BLVRA: variants seen among roughly 807,000 people sequenced by gnomAD.
The protein encoded by BLVRA is BVR A.
Under a neutral mutation model 32.8 loss-of-function variants are expected in BLVRA, and 22 were observed. The observed-to-expected ratio is 0.67, with a 90% CI of 0.48 to 0.96. The LOEUF is 0.96. BLVRA is among the 40% of genes least tolerant of loss of function. BLVRA has a pLI of 0.00. For synonymous variants in BLVRA, 119 were observed against 141.3 expected, an observed-to-expected ratio of 0.84 and a Z score of 1.12; for missense variants, 323 against 358.1, an observed-to-expected ratio of 0.90 and a Z score of 0.79.
intron 5 of BLVRA, among the ~76,000 whole-genome samples, chr7:43,797,829 T>C (rs985066911): frequency 6.6e-6 from 1 of 152,158 alleles, no homozygotes; most frequent in Non-Finnish European, 1.5e-5. Flanking sequence ...TTGTGTAAAA[T>C]GTCCCTAAAT....
rs766797938 is a variant in BLVRA at position 43,803,855 on chromosome 7, A to C, written c.632+8A>C. 5.6e-6 allele frequency: 9 copies of C among 1,613,646 alleles called. No individual in the cohort carries two copies. In the South Asian group the frequency reaches 9.9e-5, roughly 18 times the overall value. On this transcript the variant is annotated splice_region_variant and intron_variant, in intron 7 of 7. Transcript: ENST00000265523. ...GGAGACAGAGAAGAAAAGGTAAGTC[A>C]TGAGAAGCCATGAGGAGGAGGAAAT...
intron 2 of BLVRA, among the ~76,000 whole-genome samples, chr7:43,777,897 C>T (rs2095763305): frequency 6.6e-6 from 1 of 152,212 alleles, no homozygotes; most frequent in Non-Finnish European, 1.5e-5. Context: ...TTCATTTCAT[C>T]TTCCGTCACT....
At chr7:43,773,811 A>T (rs2095757344) in intron 2 of BLVRA, among the ~76,000 whole-genome samples, 1 of 152,128 alleles carries the variant, frequency 6.6e-6, no homozygotes, top group African/African-American at 2.4e-5. Flanking sequence ...TTGTTTCCTG[A>T]CTTTTTAATG....
At chr7:43,776,815 T>C (rs2095761567) in intron 2 of BLVRA, among the ~76,000 whole-genome samples, 1 of 152,172 alleles carries the variant, frequency 6.6e-6, no homozygotes, top group Admixed American at 6.5e-5. Flanking sequence ...GCTTTATGAA[T>C]CTGGGTGCTC....
At chr7:43,802,921 T>TC (rs397760985) in intron 6 of BLVRA, among the ~76,000 whole-genome samples, 1 of 151,830 alleles carries the variant, frequency 6.6e-6, no homozygotes, top group Non-Finnish European at 1.5e-5. Flanking sequence ...TATTTTTTTT[T>TC]ACTAGAGACG....
At chr7:43,785,602 T>C (rs1563544356) in intron 2 of BLVRA, among the ~76,000 whole-genome samples, 1 of 152,170 alleles carries the variant, frequency 6.6e-6, no homozygotes, top group Non-Finnish European at 1.5e-5. Flanking sequence ...AAGGCCAGTG[T>C]ATGGTTTAGC....
intron 2 of BLVRA, among the ~76,000 whole-genome samples, chr7:43,774,231 T>C (rs1383883327): frequency 6.6e-6 from 1 of 152,208 alleles, no homozygotes; most frequent in African/African-American, 2.4e-5. Flanking sequence ...ATGTCCTGAA[T>C]GGTATTGCCT....
intron 1 of BLVRA, among the ~76,000 whole-genome samples, chr7:43,761,629 G>A (rs2095742381): frequency 6.6e-6 from 1 of 152,148 alleles, no homozygotes; most frequent in Non-Finnish European, 1.5e-5. Context: ...AGCCTTTCCT[G>A]ATTCTCAGTT....
chr7:43,805,676 A>C (rs772002931), intron 7 of BLVRA, among the ~76,000 whole-genome samples: 2 of 152,156 alleles, frequency 1.3e-5, no homozygotes, highest in Non-Finnish European at 2.9e-5. Context: ...TCTTAAAATC[A>C]TAGTACTTTC....
At chr7:43,764,768 C>T (rs181580327) in intron 1 of BLVRA, among the ~76,000 whole-genome samples, 1 of 151,296 alleles carries the variant, frequency 6.6e-6, no homozygotes, top group Non-Finnish European at 1.5e-5. Context: ...GAGAACCCCC[C>T]ACCCCCCGCA....
At chr7:43,781,403 G>A (rs1000701431) in intron 2 of BLVRA, among the ~76,000 whole-genome samples, 2 of 152,116 alleles carry the variant, frequency 1.3e-5, no homozygotes, top group Non-Finnish European at 2.9e-5. Flanking sequence ...CTGGAGTGCA[G>A]TGGTGTGATC....
At chr7:43,803,934 C>A in intron 7 of BLVRA, 87 bp downstream of exon 7, 1 of 1,502,998 alleles carries the variant, frequency 6.7e-7, no homozygotes, top group Non-Finnish European at 9.1e-7. Flanking sequence ...CCCCGAGGGG[C>A]TAGACCCTCA....
At chr7:43,761,458 G>T (rs2095742179) in intron 1 of BLVRA, among the ~76,000 whole-genome samples, 1 of 152,142 alleles carries the variant, frequency 6.6e-6, no homozygotes, top group Non-Finnish European at 1.5e-5. Flanking sequence ...ATAGGTCATT[G>T]CAGGCCTATA....
chr7:43,793,339 AG>A (rs1347027826), intron 5 of BLVRA, among the ~76,000 whole-genome samples: 1 of 151,886 alleles, frequency 6.6e-6, no homozygotes, highest in African/African-American at 2.4e-5. Context: ...GATGCTGTAT[AG>A]AAAAATATGG....
intron 2 of BLVRA, among the ~76,000 whole-genome samples, chr7:43,780,648 C>T (rs866926397): frequency 6.6e-5 from 10 of 152,174 alleles, no homozygotes; most frequent in South Asian, 2.1e-4. Context: ...GGCACAGGGA[C>T]GGTCCACACA....
chr7:43,802,912 A>ATT (rs35792323), intron 6 of BLVRA, among the ~76,000 whole-genome samples: 48 of 150,930 alleles, frequency 3.2e-4, no homozygotes, highest in Middle Eastern at 3.4e-3. Context: ...TAATTTTTGT[A>ATT]TTTTTTTTTA....
intron 3 of BLVRA, among the ~76,000 whole-genome samples, chr7:43,790,261 G>C (rs1187044312): frequency 3.9e-5 from 6 of 152,102 alleles, no homozygotes; most frequent in African/African-American, 1.4e-4. Flanking sequence ...GAAGACTGCA[G>C]CTCCCCCATG....
rs146795036 is a variant in BLVRA at position 43,803,697 on chromosome 7, G to A, written c.482G>A (p.Arg161Gln). 188 of 1,613,596 alleles carry A rather than the reference G, an allele frequency of 1.2e-4. No homozygotes were observed. Among genetic ancestry groups the A allele is most frequent in the Non-Finnish European group, 1.5e-4 (177 of 1,179,790 alleles). ...LFTAGPLEEE[R>Q]FGFPAFSGIS... Reference sequence around the variant, plus strand: ...ACAGCTGGCCCGTTGGAAGAAGAGCGGTTTGGCTTCCCTGCATTCAGCGGC... The same window carrying A: ...ACAGCTGGCCCGTTGGAAGAAGAGCAGTTTGGCTTCCCTGCATTCAGCGGC... The change falls in exon 7 of 8, where the codon CGG becomes CAG. Residue 161 changes from arginine (R) to glutamine (Q), a missense_variant. Arg to Gln is a conservative substitution (Grantham distance 43, BLOSUM62 1). Coordinates refer to ENST00000265523, the MANE Select transcript of BLVRA (RefSeq NM_000712.4).
intron 5 of BLVRA, among the ~76,000 whole-genome samples, chr7:43,796,592 CTG>C (rs2095793112): frequency 6.6e-6 from 1 of 152,112 alleles, no homozygotes; most frequent in Non-Finnish European, 1.5e-5. Flanking sequence ...AGACCTAAAA[CTG>C]TAATATTGTT....
Sources: allele counts gnomAD v4.1 joint callset (sites outside exome capture counted in the v4.1 genomes callset), GRCh38; gene constraint gnomAD v4.1.1; transcripts MANE v1.5; gene names NCBI Gene and HGNC (gene_info 2026-07-23, HGNC 2026-07-21).